LDLRAD4: variants seen among roughly 807,000 people sequenced by gnomAD.
The protein encoded by LDLRAD4 is low density lipoprotein receptor class A domain containing 4, also known as low-density lipoprotein receptor class A domain-containing protein 4.
A neutral mutation model predicts 17.0 loss-of-function variants in LDLRAD4; 5 were observed. The observed-to-expected ratio is 0.29, with a 90% CI of 0.15 to 0.62. The LOEUF (loss-of-function observed/expected upper bound fraction) is 0.62, where lower values mean the gene tolerates loss of function less well. Among genes scored for constraint, LDLRAD4 ranks in the 20% least tolerant of loss-of-function variants. The pLI, the probability that LDLRAD4 is intolerant of heterozygous loss-of-function variation, is 0.84. For synonymous variants in LDLRAD4, 168 were observed against 171.8 expected, an observed-to-expected ratio of 0.98 and a Z score of 0.17; for missense variants, 340 against 424.7, an observed-to-expected ratio of 0.80 and a Z score of 1.75.
At chr18:13,324,765 A>C (rs958262226) in intron 1 of LDLRAD4, among the ~76,000 whole-genome samples, 24 of 152,190 alleles carry the variant, frequency 1.6e-4, no homozygotes, top group African/African-American at 5.5e-4. Context: ...CACACGTCAC[A>C]GTAGGACCCA....
At chr18:13,396,830 C>A (rs1469353739) in intron 2 of LDLRAD4, among the ~76,000 whole-genome samples, 1 of 152,188 alleles carries the variant, frequency 6.6e-6, no homozygotes, top group Admixed American at 6.5e-5. Context: ...TCAATATTTT[C>A]AGTCTGCAGT....
chr18:13,540,434 TG>T (rs2147936268), intron 3 of LDLRAD4, among the ~76,000 whole-genome samples: 1 of 152,256 alleles, frequency 6.6e-6, no homozygotes, highest in Non-Finnish European at 1.5e-5. Flanking sequence ...CTGGAAGAAA[TG>T]GGCATTCCAA....
intron 1 of LDLRAD4, among the ~76,000 whole-genome samples, chr18:13,288,591 A>G (rs1012099566): frequency 6.6e-6 from 1 of 152,202 alleles, no homozygotes; most frequent in Non-Finnish European, 1.5e-5. Flanking sequence ...TCACTCTGCA[A>G]GGTGAGTCAT....
intron 3 of LDLRAD4, among the ~76,000 whole-genome samples, chr18:13,555,233 A>T (rs1568334285): frequency 6.6e-6 from 1 of 152,212 alleles, no homozygotes; most frequent in Non-Finnish European, 1.5e-5. Context: ...AAAACGCAGA[A>T]AATAGAAATA....
intron 2 of LDLRAD4, 38 bp downstream of exon 3, chr18:13,387,800 C>T: frequency 6.3e-7 from 1 of 1,582,980 alleles, no homozygotes; most frequent in Non-Finnish European, 8.7e-7. Flanking sequence ...TTTGCCTCCA[C>T]TCCTGGGAGG....
At chr18:13,583,733 C>T (rs2094897708) in intron 3 of LDLRAD4, among the ~76,000 whole-genome samples, 1 of 152,130 alleles carries the variant, frequency 6.6e-6, no homozygotes, top group African/African-American at 2.4e-5. Context: ...GGGGCCCGGC[C>T]GCGCCGAAGC....
intron 4 of LDLRAD4, among the ~76,000 whole-genome samples, chr18:13,631,027 G>C (rs1011710368): frequency 6.6e-6 from 1 of 152,216 alleles, no homozygotes; most frequent in Non-Finnish European, 1.5e-5. Flanking sequence ...GTGTAGCTGA[G>C]AGCATAAGCC....
chr18:13,451,532 A>G lies in LDLRAD4; in HGVS notation c.181+13148A>G, dbSNP rs531723427. Among the ~76,000 whole-genome samples the G allele has an allele frequency of 9.2e-5, 14 of 152,364 alleles. No individual in the cohort carries two copies. The South Asian group carries it at 2.7e-3, about 29-fold the overall frequency. ...ATGTAGCCTGCAGAACCCAGAGCCAATTAAGCCTCTTTTCTTTATAAATTA... is the reference window on the plus strand; with the variant it reads ...ATGTAGCCTGCAGAACCCAGAGCCAGTTAAGCCTCTTTTCTTTATAAATTA... On this transcript the variant is annotated intron_variant, in intron 3 of 5. Transcript: ENST00000359446.
chr18:13,285,494 G>A (rs2045569313), intron 1 of LDLRAD4, among the ~76,000 whole-genome samples: 1 of 152,132 alleles, frequency 6.6e-6, no homozygotes, highest in South Asian at 2.1e-4. Context: ...CTTTTCCTTT[G>A]TAGGCTTTCT....
intron 1 of LDLRAD4, among the ~76,000 whole-genome samples, chr18:13,330,533 A>T (rs929080636): frequency 6.6e-6 from 1 of 152,166 alleles, no homozygotes; most frequent in Non-Finnish European, 1.5e-5. Flanking sequence ...CTGGAAACCT[A>T]ATCTTTTTTA....
At chr18:13,478,217 A>G (rs1448799003) in intron 3 of LDLRAD4, among the ~76,000 whole-genome samples, 1 of 152,168 alleles carries the variant, frequency 6.6e-6, no homozygotes, top group African/African-American at 2.4e-5. Flanking sequence ...GGCTTGTTGG[A>G]CATGCTGACT....
At position 13,531,733 on chromosome 18, in the gene LDLRAD4, CT is replaced by C. The variant is rs570876456; in HGVS notation, c.182-89383del. On this transcript the variant is annotated intron_variant, in intron 3 of 5. Transcript: ENST00000359446. ...TCTTTGGGCTGGAACCCTGATGGGC[CT>C]CCTTTAGTAGGAAATGGAGATGGAG... 5.9e-5 allele frequency among the ~76,000 whole-genome samples: 9 copies of C among 151,940 alleles called. No homozygotes were observed. In the East Asian group the frequency reaches 1.6e-3, roughly 26 times the overall value.
At chr18:13,513,132 A>T (rs1035210513) in intron 3 of LDLRAD4, among the ~76,000 whole-genome samples, 1 of 152,166 alleles carries the variant, frequency 6.6e-6, no homozygotes, top group Non-Finnish European at 1.5e-5. Flanking sequence ...TCTGATGATC[A>T]TGTCATCCAG....
chr18:13,564,240 T>C (rs2094570646), intron 3 of LDLRAD4, among the ~76,000 whole-genome samples: 1 of 152,272 alleles, frequency 6.6e-6, no homozygotes, highest in Non-Finnish European at 1.5e-5. Flanking sequence ...CTGATAATTA[T>C]AGAAATTTTA....
intron 2 of LDLRAD4, among the ~76,000 whole-genome samples, chr18:13,435,769 A>G (rs111431100): frequency 0.014 from 2,203 of 152,306 alleles, 17 homozygotes; most frequent in Middle Eastern, 0.051. Flanking sequence ...TAATAGGTTG[A>G]TGTTGTTTCC....
chr18:13,552,600 C>A (rs2094445782), intron 3 of LDLRAD4, among the ~76,000 whole-genome samples: 1 of 152,190 alleles, frequency 6.6e-6, no homozygotes, highest in Admixed American at 6.5e-5. Flanking sequence ...CAGGGCTCAC[C>A]CTCCTCCCTC....
intron 3 of LDLRAD4, chr18:13,612,313 T>G (rs2039647215): frequency 9.5e-7 from 1 of 1,052,464 alleles, no homozygotes; most frequent in Non-Finnish European, 1.1e-6. Context: ...TAGACGTTGC[T>G]GTAAACAGTA....
chr18:13,227,488 G>C (rs2041869852), intron 1 of LDLRAD4, among the ~76,000 whole-genome samples: 1 of 152,192 alleles, frequency 6.6e-6, no homozygotes, highest in South Asian at 2.1e-4. Flanking sequence ...GTGTATGCTG[G>C]GGGTGCACTT....
chr18:13,319,670 A>G (rs2081117611), intron 1 of LDLRAD4, among the ~76,000 whole-genome samples: 1 of 152,208 alleles, frequency 6.6e-6, no homozygotes, highest in Non-Finnish European at 1.5e-5. Flanking sequence ...CTCCTTTTAA[A>G]TAAACTTATT....
Sources: allele counts gnomAD v4.1 joint callset (sites outside exome capture counted in the v4.1 genomes callset), GRCh38; gene constraint gnomAD v4.1.1; transcripts MANE v1.5; gene names NCBI Gene and HGNC (gene_info 2026-07-23, HGNC 2026-07-21).